Variants in STAM2 observed in about 807,000 individuals in gnomAD.
STAM2 encodes the protein signal transducing adaptor molecule 2.
In STAM2, 51 loss-of-function variants were observed where a neutral mutation model predicts 65.6. That is an observed-to-expected ratio of 0.78 (90% CI 0.62 to 0.98). The LOEUF (loss-of-function observed/expected upper bound fraction) is 0.98. Ranked by LOEUF, STAM2 falls within the 50% of genes least tolerant of loss-of-function variation. The pLI is 0.00. For missense variants in STAM2, 584 were observed against 617.8 expected (o/e 0.95, Z 0.58); for synonymous variants, 198 against 208.4 (o/e 0.95, Z 0.43).
intron 1 of STAM2, among the ~76,000 whole-genome samples, chr2:152,164,466 T>C (rs1689740314): frequency 6.6e-6 from 1 of 152,046 alleles, no homozygotes; most frequent in Non-Finnish European, 1.5e-5. Context: ...CCTCAGCCTC[T>C]TGAGTAGCCG....
At chr2:152,175,528 C>T (rs1458550911) in intron 1 of STAM2, 75 bp downstream of exon 1, 1 of 1,583,548 alleles carries the variant, frequency 6.3e-7, no homozygotes, top group African/African-American at 1.3e-5. Flanking sequence ...GAGTCGCTAC[C>T]GCCCACTTTC....
intron 1 of STAM2, among the ~76,000 whole-genome samples, chr2:152,153,352 T>C (rs1244662015): frequency 3.3e-5 from 5 of 151,960 alleles, no homozygotes; most frequent in African/African-American, 1.2e-4. Context: ...GGAAAGATGG[T>C]AGGAATCCAG....
chr2:152,139,837 T>C (rs757706537), intron 7 of STAM2, among the ~76,000 whole-genome samples: 14 of 151,704 alleles, frequency 9.2e-5, no homozygotes, highest in African/African-American at 2.9e-4. Flanking sequence ...AAAATGACAA[T>C]AGAACAACAA....
At chr2:152,160,636 G>A (rs1411299197) in intron 1 of STAM2, among the ~76,000 whole-genome samples, 19 of 146,960 alleles carry the variant, frequency 1.3e-4, no homozygotes, top group South Asian at 2.2e-4. Flanking sequence ...CAGCCGCCCC[G>A]TCCGGGAGGG....
intron 7 of STAM2, among the ~76,000 whole-genome samples, chr2:152,135,911 G>A (rs1308935780): frequency 1.3e-5 from 2 of 151,628 alleles, no homozygotes; most frequent in Non-Finnish European, 2.9e-5. Context: ...CCAACATGGT[G>A]AAACCTCATC....
At chr2:152,154,165 G>T (rs1689499141) in intron 1 of STAM2, among the ~76,000 whole-genome samples, 1 of 152,110 alleles carries the variant, frequency 6.6e-6, no homozygotes, top group Non-Finnish European at 1.5e-5. Flanking sequence ...TCCCTGCAGG[G>T]GTAAGGCTCT....
At chr2:152,128,678 A>C (rs1689006887) in intron 11 of STAM2, among the ~76,000 whole-genome samples, 1 of 152,192 alleles carries the variant, frequency 6.6e-6, no homozygotes, top group East Asian at 1.9e-4. Context: ...GGACAGGAGG[A>C]AATAAGATTA....
In STAM2 at chr2:152,120,277, T is replaced by G; in HGVS notation, c.*297A>C. On this transcript the variant is annotated 3_prime_UTR_variant, in exon 14 of 14. Coordinates refer to ENST00000263904, the MANE Select transcript of STAM2 (RefSeq NM_005843.6). ...CATAAGTATCTCATACTGTTTGTCA[T>G]AAGGCTACTTAATGAGTATCTAGAT... 5.4e-6 allele frequency: 2 copies of G among 371,516 alleles called. No individual in the cohort carries two copies. The highest frequency in any genetic ancestry group is 3.2e-5 in the South Asian group (1 of 30,924). 23.0% of individuals were successfully genotyped at this position (371,516 alleles called of 1,614,324 possible). A position where few individuals can be genotyped will look rare whatever the true frequency, so the allele number is the denominator to read the frequency against.
In STAM2 at chr2:152,123,646, C is replaced by T. The variant is rs10202920; in HGVS notation, c.1349+120G>A. On this transcript the variant is annotated intron_variant, in intron 13 of 13. Coordinates refer to ENST00000263904, the MANE Select transcript of STAM2 (RefSeq NM_005843.6). ...GCAAAGCTAAGGTAACACCATTCCA[C>T]TTCACAGGATTATGAATAAACAGTT... is the stretch of plus-strand genomic sequence containing the variant. The T allele has an allele frequency of 0.016, 16,402 of 1,022,486 alleles. 919 individuals are homozygous for T. In the African/African-American group the frequency reaches 0.16, roughly 10 times the overall value. The allele number at this position is 1,022,486 out of a possible 1,614,324, so 63.3% of individuals were successfully genotyped here.
At chr2:152,165,595 T>C (rs1233910999) in intron 1 of STAM2, among the ~76,000 whole-genome samples, 1 of 151,840 alleles carries the variant, frequency 6.6e-6, no homozygotes, top group East Asian at 1.9e-4. Flanking sequence ...TTCAGGGGGG[T>C]GGCGCGGGAT....
At chr2:152,120,860 GATCA>G (rs1688840500) in intron 13 of STAM2, 58 bp from the exon 14 acceptor site, 1 of 1,351,648 alleles carries the variant, frequency 7.4e-7, no homozygotes, top group Non-Finnish European at 1.1e-6. Flanking sequence ...TAAGGTTAGA[GATCA>G]ATCATCATGA....
At position 152,148,043 on chromosome 2, in the gene STAM2, C is replaced by G. The variant is rs180795314; in HGVS notation, c.281G>C (p.Arg94Pro). ...ATTTACCTTATTTTTAATCACAGCA[C>G]GTACTTCTGTTGCAAAATCACGGGA... is the stretch of plus-strand genomic sequence containing the variant. ...VCSRDFATEV[R>P]AVIKNKAHPK... The change falls in exon 4 of 14, where the codon CGT becomes CCT. Residue 94 changes from arginine (R) to proline (P), a missense_variant. Coordinates refer to ENST00000263904, the MANE Select transcript of STAM2 (RefSeq NM_005843.6). 2.1e-5 allele frequency: 33 copies of G among 1,609,340 alleles called. No individual in the cohort carries two copies. Among genetic ancestry groups the G allele is most frequent in the Non-Finnish European group, 2.8e-5 (33 of 1,177,780 alleles).
intron 1 of STAM2, among the ~76,000 whole-genome samples, chr2:152,172,576 G>C (rs945488388): frequency 6.6e-6 from 1 of 152,014 alleles, no homozygotes. Flanking sequence ...TATCAGAGAA[G>C]GGGGGGAGGA....
At position 152,150,247 on chromosome 2, in the gene STAM2, A is replaced by G; in HGVS notation, c.41-18T>C. ...GGCTTTTTCTATAAAATATATTGGC[A>G]TACACAACAATGAGGACACATCTCA... On this transcript the variant is annotated intron_variant, in intron 1 of 13. Coordinates refer to ENST00000263904, the MANE Select transcript of STAM2 (RefSeq NM_005843.6). 6.6e-7 allele frequency: 1 copy of G among 1,505,028 alleles called. No individual in the cohort carries two copies. The highest frequency in any genetic ancestry group is 9.2e-7 in the Non-Finnish European group (1 of 1,082,646). The allele number at this position is 1,505,028 out of a possible 1,614,324, so 93.2% of individuals were successfully genotyped here.
At chr2:152,138,768 G>A (rs1041639567) in intron 7 of STAM2, among the ~76,000 whole-genome samples, 6 of 152,178 alleles carry the variant, frequency 3.9e-5, no homozygotes, top group African/African-American at 1.4e-4. Flanking sequence ...ATGGAAGATA[G>A]GAAAAATTTT....
At chr2:152,157,615 G>T (rs1164886212) in intron 1 of STAM2, among the ~76,000 whole-genome samples, 2 of 152,220 alleles carry the variant, frequency 1.3e-5, no homozygotes, top group Non-Finnish European at 2.9e-5. Context: ...TCTTGGACTT[G>T]CAGGCCCCAG....
At chr2:152,126,164 ATTTTCT>A in intron 12 of STAM2, 56 bp downstream of exon 12, 3 of 1,389,364 alleles carry the variant, frequency 2.2e-6, no homozygotes, top group Non-Finnish European at 1.9e-6. Context: ...GCTATAAAAC[ATTTTCT>A]TTTACTTTTA....
chr2:152,151,923 C>CTGGG (rs775912372), intron 1 of STAM2, among the ~76,000 whole-genome samples: 1 of 152,078 alleles, frequency 6.6e-6, no homozygotes, highest in Non-Finnish European at 1.5e-5. Flanking sequence ...TCATGAACAT[C>CTGGG]TGGGTTGGTT....
At chr2:152,143,751 T>A in intron 7 of STAM2, 76 bp downstream of exon 7, 1 of 1,214,710 alleles carries the variant, frequency 8.2e-7, no homozygotes, top group Non-Finnish European at 1.1e-6. Context: ...ACACTAAAAG[T>A]CAAAGAACTG....
Sources: allele counts gnomAD v4.1 joint callset (sites outside exome capture counted in the v4.1 genomes callset), GRCh38; gene constraint gnomAD v4.1.1; transcripts MANE v1.5; gene names NCBI Gene and HGNC (gene_info 2026-07-23, HGNC 2026-07-21).